The following FOXP2 variants were observed in gnomAD, a reference collection of about 807,000 sequenced individuals.
FOXP2 encodes the protein forkhead box protein P2.
FOXP2 carries 12 observed loss-of-function variants against 115.8 expected under a neutral mutation model. The ratio of observed to expected loss-of-function variants is 0.10; its 90% CI spans 0.07 to 0.17. FOXP2 has a LOEUF of 0.17. Among genes scored for constraint, FOXP2 ranks in the 10% least tolerant of loss-of-function variants. FOXP2 has a pLI of 1.00. For synonymous variants in FOXP2, 328 were observed against 297.7 expected (o/e 1.10, Z -1.05); for missense variants, 629 against 843.5 (o/e 0.75, Z 3.15).
intron 1 of FOXP2, among the ~76,000 whole-genome samples, chr7:114,201,353 C>T (rs1001436304): frequency 6.6e-6 from 1 of 151,288 alleles, no homozygotes; most frequent in African/African-American, 2.4e-5. Context: ...GTCCCAGATA[C>T]TCAGGAGGCT....
chr7:114,383,889 A>G (rs1361294057), intron 2 of FOXP2, among the ~76,000 whole-genome samples: 2 of 152,186 alleles, frequency 1.3e-5, no homozygotes, highest in Non-Finnish European at 2.9e-5. Context: ...ATTCTTTTCC[A>G]GGGTGCGTAA....
At chr7:114,402,925 CA>C (rs1792923699) in intron 2 of FOXP2, among the ~76,000 whole-genome samples, 2 of 152,178 alleles carry the variant, frequency 1.3e-5, no homozygotes, top group South Asian at 4.2e-4. Flanking sequence ...GCATTGCAGG[CA>C]GGAGCTACCA....
intron 1 of FOXP2, among the ~76,000 whole-genome samples, chr7:114,130,036 G>T (rs1012954661): frequency 5.9e-5 from 9 of 152,274 alleles, no homozygotes; most frequent in African/African-American, 1.7e-4. Flanking sequence ...AAGTCTGCCT[G>T]GGTGTGGTGG....
At chr7:114,646,340 G>A (rs1362620512) in intron 8 of FOXP2, among the ~76,000 whole-genome samples, 3 of 151,844 alleles carry the variant, frequency 2.0e-5, no homozygotes, top group African/African-American at 7.2e-5. Context: ...TTTTCCTTCA[G>A]TATGATTTTG....
At chr7:114,192,312 A>G (rs1793782690) in intron 1 of FOXP2, among the ~76,000 whole-genome samples, 1 of 152,014 alleles carries the variant, frequency 6.6e-6, no homozygotes, top group Non-Finnish European at 1.5e-5. Flanking sequence ...GGTTTGATAG[A>G]TCACTTCTTT....
chr7:114,543,891 C>G (rs1225209577), intron 3 of FOXP2, among the ~76,000 whole-genome samples: 2 of 152,186 alleles, frequency 1.3e-5, no homozygotes, highest in African/African-American at 4.8e-5. Flanking sequence ...TTATTGAAGA[C>G]TTGAGAGAAG....
intron 3 of FOXP2, among the ~76,000 whole-genome samples, chr7:114,609,551 T>TA (rs1367465892): frequency 6.6e-6 from 1 of 152,224 alleles, no homozygotes; most frequent in Non-Finnish European, 1.5e-5. Flanking sequence ...CTTGTCATCT[T>TA]CGATATAGAA....
intron 3 of FOXP2, among the ~76,000 whole-genome samples, chr7:114,573,628 T>C (rs1443289844): frequency 6.6e-6 from 1 of 151,832 alleles, no homozygotes; most frequent in Non-Finnish European, 1.5e-5. Flanking sequence ...ACACATATTA[T>C]TTCTGTGGTT....
intron 8 of FOXP2, among the ~76,000 whole-genome samples, chr7:114,646,811 T>A (rs544422143): frequency 6.6e-6 from 1 of 151,992 alleles, no homozygotes; most frequent in East Asian, 1.9e-4. Flanking sequence ...ATTAAATGAA[T>A]TAACTTCGGT....
At chr7:114,173,337 G>A (rs1157774046) in intron 1 of FOXP2, among the ~76,000 whole-genome samples, 4 of 151,346 alleles carry the variant, frequency 2.6e-5, no homozygotes, top group Non-Finnish European at 5.9e-5. Context: ...GTGTTTTCTT[G>A]TCTCTTTTTT....
intron 3 of FOXP2, among the ~76,000 whole-genome samples, chr7:114,538,647 T>A (rs935436437): frequency 2.6e-5 from 4 of 151,754 alleles, no homozygotes; most frequent in African/African-American, 9.7e-5. Flanking sequence ...AAAATAAAGA[T>A]GTTGGGCTAA....
intron 2 of FOXP2, among the ~76,000 whole-genome samples, chr7:114,393,020 G>T (rs1053771232): frequency 6.6e-6 from 1 of 152,224 alleles, no homozygotes; most frequent in East Asian, 1.9e-4. Context: ...AAGAAATCCA[G>T]ATTCTGGTGA....
At chr7:114,192,817 A>G (rs1320272173) in intron 1 of FOXP2, among the ~76,000 whole-genome samples, 1 of 152,236 alleles carries the variant, frequency 6.6e-6, no homozygotes, top group Non-Finnish European at 1.5e-5. Flanking sequence ...TAAAGTAATC[A>G]CATCAGCACA....
intron 10 of FOXP2, 175 bp downstream of exon 10, chr7:114,654,184 C>G: frequency 1.4e-6 from 2 of 1,431,418 alleles, no homozygotes; most frequent in South Asian, 1.3e-5. Context: ...GTAATGCTAT[C>G]TTTTACAAAA....
intron 2 of FOXP2, among the ~76,000 whole-genome samples, chr7:114,291,395 T>C (rs1239176505): frequency 6.6e-6 from 1 of 152,078 alleles, no homozygotes; most frequent in Non-Finnish European, 1.5e-5. Flanking sequence ...ACATAGGAAT[T>C]TGGGGACAAC....
At chr7:114,688,188 CA>C (rs1808466083) in intron 16 of FOXP2, among the ~76,000 whole-genome samples, 1 of 132,720 alleles carries the variant, frequency 7.5e-6, no homozygotes, top group Non-Finnish European at 1.6e-5. Context: ...CAAACACACA[CA>C]AACACATGCA....
intron 3 of FOXP2, among the ~76,000 whole-genome samples, chr7:114,615,353 T>C (rs1426866647): frequency 2.0e-5 from 3 of 152,188 alleles, no homozygotes; most frequent in Non-Finnish European, 4.4e-5. Context: ...TACTGCCCTC[T>C]TCCTCCTCAT....
At chr7:114,163,114 T>C (rs1584516395) in intron 1 of FOXP2, 2 of 152,122 alleles carry the variant, frequency 1.3e-5, no homozygotes, top group African/African-American at 4.8e-5. Flanking sequence ...TGTACATATT[T>C]TTCATCTCTC....
At chr7:114,420,357 A>G (rs1182230968) in intron 1 of FOXP2, among the ~76,000 whole-genome samples, 1 of 151,940 alleles carries the variant, frequency 6.6e-6, no homozygotes, top group Non-Finnish European at 1.5e-5. Context: ...TTTGCCTGCT[A>G]GGCAGGTCTT....
Sources: allele counts gnomAD v4.1 joint callset (sites outside exome capture counted in the v4.1 genomes callset), GRCh38; gene constraint gnomAD v4.1.1; transcripts MANE v1.5; gene names NCBI Gene and HGNC (gene_info 2026-07-23, HGNC 2026-07-21).